SCLT1: variants seen among roughly 807,000 people sequenced by gnomAD.
The protein encoded by SCLT1 is sodium channel and clathrin linker 1, also known as sodium channel-associated protein 1.
Under a neutral mutation model 112.8 loss-of-function variants are expected in SCLT1, and 78 were observed. The ratio of observed to expected loss-of-function variants is 0.69; its 90% CI spans 0.58 to 0.83. SCLT1 has a LOEUF of 0.83. Ranked by LOEUF, SCLT1 falls within the 40% of genes least tolerant of loss-of-function variation. The pLI is 0.00. For missense variants in SCLT1, 747 were observed against 770.4 expected (o/e 0.97, Z 0.36); for synonymous variants, 257 against 254.7 (o/e 1.01, Z -0.09).
chr4:128,974,914 A>G (rs1741012744), intron 9 of SCLT1, among the ~76,000 whole-genome samples: 1 of 152,194 alleles, frequency 6.6e-6, no homozygotes, highest in South Asian at 2.1e-4. Context: ...TTTTGCTTCA[A>G]ATTAATATTC....
intron 18 of SCLT1, among the ~76,000 whole-genome samples, chr4:128,927,618 A>G (rs1316084098): frequency 6.6e-6 from 1 of 152,060 alleles, no homozygotes; most frequent in East Asian, 1.9e-4. Flanking sequence ...TAATAGTACT[A>G]TGTATATCAA....
chr4:128,997,474 C>T (rs1743109879), intron 8 of SCLT1, among the ~76,000 whole-genome samples: 1 of 151,664 alleles, frequency 6.6e-6, no homozygotes, highest in Non-Finnish European at 1.5e-5. Flanking sequence ...AGTACCATAC[C>T]AACACATGGT....
intron 17 of SCLT1, among the ~76,000 whole-genome samples, chr4:128,941,410 G>C (rs1397671584): frequency 6.6e-6 from 1 of 151,842 alleles, no homozygotes; most frequent in African/African-American, 2.4e-5. Context: ...AAATAATGAA[G>C]TTGAACATAT....
intron 4 of SCLT1, chr4:129,040,196 C>T (rs894333747): frequency 2.8e-5 from 20 of 702,420 alleles, no homozygotes; most frequent in Non-Finnish European, 5.2e-5. Context: ...TGAACTTTTC[C>T]AAGGTCCTCG....
At chr4:129,017,774 GCAAA>G (rs1247966891) in intron 5 of SCLT1, among the ~76,000 whole-genome samples, 1 of 152,142 alleles carries the variant, frequency 6.6e-6, no homozygotes, top group Non-Finnish European at 1.5e-5. Flanking sequence ...CGTTTTGGAG[GCAAA>G]CAGTGTTATC....
intron 5 of SCLT1, chr4:128,874,003 A>C (rs572330294): frequency 6.5e-6 from 1 of 152,764 alleles, no homozygotes; most frequent in African/African-American, 2.4e-5. Context: ...TAGCTAATTC[A>C]GGGGAGGGGG....
At chr4:129,089,232 T>C (rs1752638177) in intron 1 of SCLT1, among the ~76,000 whole-genome samples, 1 of 152,216 alleles carries the variant, frequency 6.6e-6, no homozygotes, top group South Asian at 2.1e-4. Flanking sequence ...AATATATTTA[T>C]GCAGCCAACA....
intron 2 of SCLT1, among the ~76,000 whole-genome samples, chr4:129,057,226 T>G (rs1190154120): frequency 6.6e-6 from 1 of 152,056 alleles, no homozygotes; most frequent in Non-Finnish European, 1.5e-5. Context: ...GCTGGATTCT[T>G]TTTCCAATTA....
Position 128,936,717 on chromosome 4 carries a change from A to G in SCLT1, c.1767T>C (p.Asn589=), listed in dbSNP as rs1460288378. Residue 589 remains asparagine (N), a synonymous_variant, in exon 18 of 21, where the codon AAT becomes AAC. Coordinates refer to ENST00000281142, the MANE Select transcript of SCLT1 (RefSeq NM_144643.4). ...HLLATQQKAA[N]RWKEETKKLT... ...GTTTCTTCGTTTCTTCTTTCCACCTATTGGCTGCCTTCTGTTGAGTCGCTA... is the reference window on the plus strand; with the variant it reads ...GTTTCTTCGTTTCTTCTTTCCACCTGTTGGCTGCCTTCTGTTGAGTCGCTA... 1 of 1,612,044 alleles carries G rather than the reference A, an allele frequency of 6.2e-7. No homozygotes were observed. Among genetic ancestry groups the G allele is most frequent in the South Asian group, 1.1e-5 (1 of 90,590 alleles).
At chr4:128,925,828 G>A (rs1736251910) in intron 18 of SCLT1, among the ~76,000 whole-genome samples, 1 of 151,856 alleles carries the variant, frequency 6.6e-6, no homozygotes, top group African/African-American at 2.4e-5. Flanking sequence ...CTTGTGCAGT[G>A]TATGATCTGC....
rs189270286 is a variant in SCLT1, at chr4:129,077,691, T to A, written c.102+4615A>T. On this transcript the variant is annotated intron_variant, in intron 2 of 20. Coordinates refer to ENST00000281142, the MANE Select transcript of SCLT1 (RefSeq NM_144643.4). ...TCTGTTGCTAGTAGCAACAACTAAG[T>A]TACAGTGATAAGATATATGAGCTAG... Among the ~76,000 whole-genome samples, 28 of 152,262 alleles carry A rather than the reference T, an allele frequency of 1.8e-4. No individual in the cohort carries two copies. In the East Asian group the frequency reaches 2.7e-3, roughly 15 times the overall value.
At chr4:129,067,471 C>T (rs1257668063) in intron 2 of SCLT1, among the ~76,000 whole-genome samples, 3 of 151,512 alleles carry the variant, frequency 2.0e-5, no homozygotes, top group African/African-American at 4.9e-5. Context: ...CTGATTTATC[C>T]TAGACTACTA....
Position 128,936,774 on chromosome 4 carries a change from A to G in SCLT1, c.1710T>C (p.Asn570=), listed in dbSNP as rs1737223109. The G allele has an allele frequency of 1.9e-6, 3 of 1,609,410 alleles. No individual in the cohort carries two copies. The highest frequency in any genetic ancestry group is 1.7e-5 in the Admixed American group (1 of 59,916). ...EVQLREMEDS[N]RNSIVELRHL... ...GCCTCAGTTCAACAATGGAATTTCT[A>G]TTACTGTCTTCCATCTCTCTCAATT... The change falls in exon 18 of 21, where the codon AAT becomes AAC. Residue 570 remains asparagine, a synonymous_variant. Coordinates refer to ENST00000281142, the MANE Select transcript of SCLT1 (RefSeq NM_144643.4).
In SCLT1 at chr4:129,070,967, G is replaced by C. The variant is rs117746400; in HGVS notation, c.102+11339C>G. On this transcript the variant is annotated intron_variant, in intron 2 of 20. Transcript: ENST00000281142. ...TTTGCTGTATCCCACAGGTTTGGTAGGTTGTGTCATTACTGTCATTCAGTT... is the reference window on the plus strand; with the variant it reads ...TTTGCTGTATCCCACAGGTTTGGTACGTTGTGTCATTACTGTCATTCAGTT... Among the ~76,000 whole-genome samples, 209 of 152,100 alleles carry C rather than the reference G, an allele frequency of 1.4e-3. 2 individuals carry two copies. The East Asian group carries it at 0.037, about 27-fold the overall frequency.
At chr4:129,007,597 A>C (rs1436348096) in intron 5 of SCLT1, among the ~76,000 whole-genome samples, 1 of 151,872 alleles carries the variant, frequency 6.6e-6, no homozygotes, top group South Asian at 2.1e-4. Flanking sequence ...CTATCCTTTT[A>C]TTTTCACCCA....
At chr4:129,057,512 T>C (rs532467185) in intron 2 of SCLT1, among the ~76,000 whole-genome samples, 17 of 150,530 alleles carry the variant, frequency 1.1e-4, no homozygotes, top group Admixed American at 5.3e-4. Context: ...ATTCTTTAAA[T>C]GTTTTGGTAG....
rs888974498 is a variant in SCLT1, at chr4:128,992,349, G to A, written c.616-112C>T. ...AAAGTTTAGTGAGATTTATGATAAA[G>A]ATTAGATTTTTTGAGGGTAAAACAT... On this transcript the variant is annotated intron_variant, in intron 8 of 20. Coordinates refer to ENST00000281142, the MANE Select transcript of SCLT1 (RefSeq NM_144643.4). 8 of 644,426 alleles carry A rather than the reference G, an allele frequency of 1.2e-5. No individual in the cohort carries two copies. In the African/African-American group the frequency reaches 1.5e-4, roughly 12 times the overall value. 39.9% of individuals were successfully genotyped at this position (644,426 alleles called of 1,614,324 possible). A position where few individuals can be genotyped will look rare whatever the true frequency, so the allele number is the denominator to read the frequency against.
At chr4:128,903,871 GA>G (rs1246812909) in intron 18 of SCLT1, among the ~76,000 whole-genome samples, 1 of 152,100 alleles carries the variant, frequency 6.6e-6, no homozygotes, top group Non-Finnish European at 1.5e-5. Context: ...CTTCATTAGA[GA>G]AAATAATTGA....
chr4:129,077,350 C>A (rs751125885), intron 2 of SCLT1, among the ~76,000 whole-genome samples: 3 of 152,120 alleles, frequency 2.0e-5, no homozygotes, highest in Non-Finnish European at 4.4e-5. Flanking sequence ...TTTAACACAA[C>A]TTCTGGCAAT....
Sources: gnomAD v4.1 joint callset for allele counts (sites outside exome capture counted in the v4.1 genomes callset) on GRCh38, gnomAD v4.1.1 for gene constraint, MANE v1.5 for transcripts, NCBI Gene and HGNC (gene_info 2026-07-23, HGNC 2026-07-21) for gene names.